Variants in ZNF236 observed in about 807,000 individuals in gnomAD.
ZNF236 encodes regulated by glucose.
ZNF236 carries 50 observed loss-of-function variants against 191.2 expected under a neutral mutation model. That is an observed-to-expected ratio of 0.26 (90% CI 0.21 to 0.33). The LOEUF is 0.33. Among genes scored for constraint, ZNF236 ranks in the 10% least tolerant of loss-of-function variants. The pLI is 1.00. For synonymous variants in ZNF236, 907 were observed against 928.8 expected (o/e 0.98, Z 0.43); for missense variants, 1,754 against 2,374.5 (o/e 0.74, Z 5.43).
At chr18:76,856,498 A>G (rs1278374202) in intron 3 of ZNF236, among the ~76,000 whole-genome samples, 2 of 152,156 alleles carry the variant, frequency 1.3e-5, no homozygotes, top group African/African-American at 4.8e-5. Context: ...TCCCATTTTC[A>G]ATACTCTGTT....
At chr18:76,834,670 G>A in intron 1 of ZNF236, 1 of 435,974 alleles carries the variant, frequency 2.3e-6, no homozygotes, top group Non-Finnish European at 4.4e-6. Context: ...ATTTCTTCCT[G>A]TAAACCCAGA....
intron 1 of ZNF236, among the ~76,000 whole-genome samples, chr18:76,826,953 A>G (rs1472269641): frequency 6.6e-6 from 1 of 151,614 alleles, no homozygotes; most frequent in Non-Finnish European, 1.5e-5. Flanking sequence ...CTGCAGTGCA[A>G]TGGCACGATC....
intron 1 of ZNF236, among the ~76,000 whole-genome samples, chr18:76,829,609 G>A (rs1401793816): frequency 6.6e-6 from 1 of 152,208 alleles, no homozygotes; most frequent in Non-Finnish European, 1.5e-5. Context: ...TTACAGGCAT[G>A]AGCCATGGCA....
chr18:76,934,374 T>C (rs1318529181), intron 25 of ZNF236, among the ~76,000 whole-genome samples: 1 of 152,240 alleles, frequency 6.6e-6, no homozygotes, highest in African/African-American at 2.4e-5. Context: ...AGAATGTAAG[T>C]ACTGTCTCAG....
At chr18:76,903,360 A>G (rs1262335954) in intron 11 of ZNF236, among the ~76,000 whole-genome samples, 1 of 152,246 alleles carries the variant, frequency 6.6e-6, no homozygotes, top group Admixed American at 6.5e-5. Context: ...CCCCAGCCTT[A>G]GGGACCAGAA....
At position 76,851,902 on chromosome 18, in the gene ZNF236, G is replaced by C. The variant is rs371119331; in HGVS notation, c.326G>C (p.Ser109Thr). ...VCNKKFSRVA[S>T]LKAHIMLHEK... ...AACAAGAAATTCTCCAGAGTGGCTA[G>C]TCTCAAAGCGCATATTATGCTACAT... Residue 109 changes from serine to threonine, a missense_variant, in exon 3 of 31, where the codon AGT (serine) becomes ACT (threonine). By Grantham distance (58) the Ser-to-Thr change is moderately conservative. Coordinates refer to ENST00000320610, the MANE Select transcript of ZNF236 (RefSeq NM_001306089.2). 9.3e-6 allele frequency: 15 copies of C among 1,613,494 alleles called. No homozygotes were observed. The highest frequency in any genetic ancestry group is 6.7e-5 in the African/African-American group (5 of 74,936).
intron 26 of ZNF236, 112 bp downstream of exon 26, chr18:76,937,455 A>G: frequency 9.5e-7 from 1 of 1,050,954 alleles, no homozygotes; most frequent in Non-Finnish European, 1.3e-6. Flanking sequence ...TTTCCCCAAA[A>G]TCGAAGCATT....
At chr18:76,885,700 C>T (rs541151086) in intron 9 of ZNF236, 1 of 164,576 alleles carries the variant, frequency 6.1e-6, no homozygotes, top group South Asian at 1.6e-4. Flanking sequence ...CTGTAATCTG[C>T]TTGATAAAAG....
At chr18:76,862,223 T>C (rs1332602540) in intron 3 of ZNF236, among the ~76,000 whole-genome samples, 1 of 152,180 alleles carries the variant, frequency 6.6e-6, no homozygotes, top group East Asian at 1.9e-4. Flanking sequence ...TGCAGCCTTC[T>C]GCCAACAAGC....
intron 25 of ZNF236, among the ~76,000 whole-genome samples, chr18:76,936,780 C>T (rs1469487627): frequency 2.0e-5 from 3 of 152,178 alleles, no homozygotes; most frequent in African/African-American, 7.2e-5. Flanking sequence ...GTGGATCACA[C>T]TTGCTTCCTT....
At chr18:76,939,366 A>G (rs1020387673) in intron 26 of ZNF236, among the ~76,000 whole-genome samples, 2 of 152,056 alleles carry the variant, frequency 1.3e-5, no homozygotes, top group African/African-American at 4.8e-5. Flanking sequence ...CAAAATACCC[A>G]TCCTAAGGTG....
chr18:76,905,108 T>G (rs1977703615), intron 12 of ZNF236, 47 bp from the exon 13 acceptor site: 1 of 1,542,204 alleles, frequency 6.5e-7, no homozygotes, highest in Admixed American at 1.9e-5. Flanking sequence ...CAAAGCATTA[T>G]AAAAGTATAA....
intron 1 of ZNF236, among the ~76,000 whole-genome samples, chr18:76,831,770 T>C (rs1975172633): frequency 6.6e-6 from 1 of 152,208 alleles, no homozygotes; most frequent in African/African-American, 2.4e-5. Context: ...TAATTTGCAA[T>C]TTCCATCGTA....
intron 1 of ZNF236, among the ~76,000 whole-genome samples, chr18:76,842,147 C>T (rs1461253692): frequency 6.6e-6 from 1 of 152,164 alleles, no homozygotes; most frequent in Non-Finnish European, 1.5e-5. Context: ...GGCTTAATTT[C>T]TCTGGATGTT....
chr18:76,845,552 A>T (rs1175143905), intron 1 of ZNF236, among the ~76,000 whole-genome samples: 1 of 151,830 alleles, frequency 6.6e-6, no homozygotes, highest in African/African-American at 2.4e-5. Flanking sequence ...AGCTGTCTTT[A>T]AAAAAAATGC....
rs1366194781 is a variant in ZNF236 at position 76,972,291 on chromosome 18, A to G, written c.*3952A>G. Reference sequence around the variant, plus strand: ...AGAGCTTTTCGTGGGCCAGATGCCCACATATTCCTAGCAGAGACATGTTCT... The same window carrying G: ...AGAGCTTTTCGTGGGCCAGATGCCCGCATATTCCTAGCAGAGACATGTTCT... On this transcript the variant is annotated 3_prime_UTR_variant, in exon 31 of 31. Coordinates refer to ENST00000320610, the MANE Select transcript of ZNF236 (RefSeq NM_001306089.2). Among the ~76,000 whole-genome samples the G allele has an allele frequency of 1.3e-5, 2 of 152,262 alleles. No homozygotes were observed. Among genetic ancestry groups the G allele is most frequent in the African/African-American group, 4.8e-5 (2 of 41,470 alleles).
Position 76,927,614 on chromosome 18 carries a change from C to T in ZNF236, c.4414+97C>T, listed in dbSNP as rs1967740088. ...ATTTAGGATGTTATGATGTCATTTT[C>T]TTCTCTTTGTAGAAGAGAATAAATC... On this transcript the variant is annotated intron_variant, in intron 24 of 30. Coordinates refer to ENST00000320610, the MANE Select transcript of ZNF236 (RefSeq NM_001306089.2). The surrounding 1 kb of genome is among the most constrained non-coding windows in gnomAD (Gnocchi z 5.4). The T allele has an allele frequency of 6.9e-7, 1 of 1,450,676 alleles. No homozygotes were observed. The highest frequency in any genetic ancestry group is 2.3e-5 in the Admixed American group (1 of 43,998). The allele number at this position is 1,450,676 out of a possible 1,614,324, so 89.9% of individuals were successfully genotyped here.
chr18:76,955,975 C>T lies in ZNF236; in HGVS notation c.4915-10C>T. 6.2e-7 allele frequency: 1 copy of T among 1,604,768 alleles called. No homozygotes were observed. The highest frequency in any genetic ancestry group is 2.2e-5 in the East Asian group (1 of 44,678). On this transcript the variant is annotated splice_polypyrimidine_tract_variant and intron_variant, in intron 27 of 30. Coordinates refer to ENST00000320610, the MANE Select transcript of ZNF236 (RefSeq NM_001306089.2). ...GTGAGTGGAAAGTCACAATTTCTGG[C>T]TCTTTCCAGGTAGCTGGCGTCTCTG...
chr18:76,854,120 A>G (rs953199095), intron 3 of ZNF236, among the ~76,000 whole-genome samples: 3 of 152,176 alleles, frequency 2.0e-5, no homozygotes, highest in African/African-American at 7.2e-5. Context: ...AAACAGGTTG[A>G]TTTAGCCATT....
Sources: gnomAD v4.1 joint callset for allele counts (sites outside exome capture counted in the v4.1 genomes callset) on GRCh38, gnomAD v4.1.1 for gene constraint, Gnocchi (gnomAD v3.1) non-coding constraint, MANE v1.5 for transcripts, NCBI Gene and HGNC (gene_info 2026-07-23, HGNC 2026-07-21) for gene names.